TMCO1: variants seen among roughly 807,000 people sequenced by gnomAD.
TMCO1 encodes the protein calcium load-activated calcium channel.
In TMCO1, 29 loss-of-function variants were observed where a neutral mutation model predicts 29.3. That is an observed-to-expected ratio of 0.99 (90% confidence interval 0.74 to 1.35). The LOEUF (loss-of-function observed/expected upper bound fraction) is 1.35, where lower values mean the gene tolerates loss of function less well. Ranked by LOEUF, TMCO1 falls within the 40% of genes most tolerant of loss-of-function variation. The pLI is 0.00. For synonymous variants in TMCO1, 80 were observed against 77.1 expected (o/e 1.04, Z -0.20); for missense variants, 173 against 225.5 (o/e 0.77, Z 1.49).
chr1:165,760,339 G>C (rs1018793121), intron 2 of TMCO1, among the ~76,000 whole-genome samples: 2 of 151,806 alleles, frequency 1.3e-5, no homozygotes, highest in Non-Finnish European at 2.9e-5. Context: ...GCTGAGGCAG[G>C]AGAATCACTT....
At position 165,768,667 on chromosome 1, in the gene TMCO1, A is replaced by T. The variant is rs766443934; in HGVS notation, c.70+15T>A. On this transcript the variant is annotated intron_variant, in intron 1 of 6. Coordinates refer to ENST00000367881, the MANE Select transcript of TMCO1 (RefSeq NM_019026.6). ...CCGGGGACTGATCAAACGTCTGAGA[A>T]ATACCCGCTCTCACCCTCTGCGAGC... 8.7e-6 allele frequency: 14 copies of T among 1,614,092 alleles called. No homozygotes were observed. The highest frequency in any genetic ancestry group is 1.2e-5 in the Non-Finnish European group (14 of 1,179,996).
chr1:165,757,686 C>CG (rs898439206), intron 3 of TMCO1, among the ~76,000 whole-genome samples: 6 of 152,248 alleles, frequency 3.9e-5, no homozygotes, highest in African/African-American at 1.4e-4. Context: ...TTAGTAGAGA[C>CG]GGGGTTTCGC....
At chr1:165,725,636 C>A, downstream of TMCO1, 1 of 454,066 alleles carries the variant, frequency 2.2e-6, no homozygotes, top group Non-Finnish European at 4.4e-6. Context: ...AGAGGCCTGT[C>A]TTGAAATGTC....
intron 6 of TMCO1, among the ~76,000 whole-genome samples, chr1:165,737,406 A>G (rs1651430910): frequency 6.6e-6 from 1 of 152,206 alleles, no homozygotes; most frequent in Admixed American, 6.5e-5. Flanking sequence ...AATGACTAAT[A>G]TATAAGCAAC....
chr1:165,729,283 ATTCAGTTTT>A (rs1242669782), intron 6 of TMCO1, among the ~76,000 whole-genome samples: 3 of 150,000 alleles, frequency 2.0e-5, no homozygotes, highest in South Asian at 4.2e-4. Context: ...TTATACTTTT[ATTCAGTTTT>A]TAAAAACATA....
chr1:165,756,634 C>T (rs779317975), intron 3 of TMCO1, among the ~76,000 whole-genome samples: 34 of 152,010 alleles, frequency 2.2e-4, no homozygotes, highest in Non-Finnish European at 2.9e-4. Flanking sequence ...AAGCAAAGGA[C>T]GCTTCCACTG....
At position 165,727,549 on chromosome 1, in the gene TMCO1, A is replaced by G. The variant is rs868550057; in HGVS notation, c.*474T>C. Reference sequence around the variant, plus strand: ...AAACAGATCTCTCCTTGTACATAAAACAGCTAAAAATTTGGCCTCTTTATT... The same window carrying G: ...AAACAGATCTCTCCTTGTACATAAAGCAGCTAAAAATTTGGCCTCTTTATT... On this transcript the variant is annotated 3_prime_UTR_variant, in exon 7 of 7. Coordinates refer to ENST00000367881, the MANE Select transcript of TMCO1 (RefSeq NM_019026.6). 4.4e-6 allele frequency: 2 copies of G among 453,984 alleles called. No homozygotes were observed. Among genetic ancestry groups the G allele is most frequent in the Middle Eastern group, 6.9e-4 (1 of 1,444 alleles). 28.1% of individuals were successfully genotyped at this position (453,984 alleles called of 1,614,324 possible).
At chr1:165,757,108 A>C (rs1257392248) in intron 3 of TMCO1, among the ~76,000 whole-genome samples, 1 of 152,202 alleles carries the variant, frequency 6.6e-6, no homozygotes, top group African/African-American at 2.4e-5. Flanking sequence ...CGTAAGATAA[A>C]ATAAATCAAT....
intron 5 of TMCO1, among the ~76,000 whole-genome samples, chr1:165,745,801 A>G (rs1205986256): frequency 1.3e-5 from 2 of 152,238 alleles, no homozygotes; most frequent in African/African-American, 4.8e-5. Flanking sequence ...CTGACAATCT[A>G]AGACACAATA....
intron 2 of TMCO1, among the ~76,000 whole-genome samples, chr1:165,761,522 G>A (rs563277693): frequency 8.0e-4 from 122 of 152,002 alleles, no homozygotes; most frequent in Admixed American, 1.1e-3. Context: ...GCGAGAGCGA[G>A]ACCCTGTCGC....
At chr1:165,750,895 C>A (rs1433526721) in intron 5 of TMCO1, among the ~76,000 whole-genome samples, 1 of 151,974 alleles carries the variant, frequency 6.6e-6, no homozygotes, top group Non-Finnish European at 1.5e-5. Flanking sequence ...CATGGTGAAA[C>A]CCCGTCTCTA....
intron 5 of TMCO1, among the ~76,000 whole-genome samples, chr1:165,746,453 T>TCACACACACA (rs59467463): frequency 0.094 from 12,391 of 132,232 alleles, 708 homozygotes; most frequent in Non-Finnish European, 0.098. Context: ...AAGACCTATA[T>TCACACACACA]CACACACACA....
chr1:165,727,441 A>G lies in TMCO1; in HGVS notation c.*582T>C, dbSNP rs1436747592. On this transcript the variant is annotated 3_prime_UTR_variant, in exon 7 of 7. Transcript: ENST00000367881. ...AGTATATGAGTCAAGTATGGCAAAA[A>G]GTACAGTACCTTAAAAACTTTTATT... 1 of 454,084 alleles carries G rather than the reference A, an allele frequency of 2.2e-6. No individual in the cohort carries two copies. The highest frequency in any genetic ancestry group is 1.6e-5 in the South Asian group (1 of 64,472). 28.1% of individuals were successfully genotyped at this position (454,084 alleles called of 1,614,324 possible).
downstream of TMCO1, chr1:165,725,008 CTCTCTCTCTCTCTCTCTATATATA>C (rs1469161294): frequency 1.1e-5 from 3 of 276,170 alleles, 1 homozygote; most frequent in Admixed American, 1.5e-4. Flanking sequence ...CTCTCTCTCT[CTCTCTCTCTCTCTCTCTATATATA>C]TATATATATA....
chr1:165,743,790 T>G, intron 5 of TMCO1, among the ~76,000 whole-genome samples: 1 of 152,096 alleles, frequency 6.6e-6, no homozygotes, highest in East Asian at 1.9e-4. Context: ...ATATATAAGT[T>G]ATTTAATTAT....
At chr1:165,745,187 A>T (rs938713094) in intron 5 of TMCO1, among the ~76,000 whole-genome samples, 1 of 138,732 alleles carries the variant, frequency 7.2e-6, no homozygotes, top group Admixed American at 7.2e-5. Context: ...TGTCTGGCTA[A>T]TTTTTTTTTT....
rs942298684 is a variant in TMCO1 at position 165,763,353 on chromosome 1, T to C, written c.149-3769A>G. On this transcript the variant is annotated intron_variant, in intron 2 of 6. Coordinates refer to ENST00000367881, the MANE Select transcript of TMCO1 (RefSeq NM_019026.6). Reference sequence around the variant, plus strand: ...GATTATACATTCCAGAAGACAGAATTTGTGGCCGCTCATTTCATATTGTAC... The same window carrying C: ...GATTATACATTCCAGAAGACAGAATCTGTGGCCGCTCATTTCATATTGTAC... Among the ~76,000 whole-genome samples the C allele has an allele frequency of 4.6e-5, 7 of 152,314 alleles. No individual in the cohort carries two copies. The East Asian group carries it at 1.3e-3, about 29-fold the overall frequency.
intron 2 of TMCO1, among the ~76,000 whole-genome samples, chr1:165,766,256 G>A (rs1305728053): frequency 6.6e-6 from 1 of 152,184 alleles, no homozygotes; most frequent in East Asian, 1.9e-4. Flanking sequence ...TTCAATTTGG[G>A]ACGTGTTGGG....
At chr1:165,738,268 G>T (rs1054884537) in intron 6 of TMCO1, among the ~76,000 whole-genome samples, 1 of 152,140 alleles carries the variant, frequency 6.6e-6, no homozygotes, top group African/African-American at 2.4e-5. Flanking sequence ...ACTCTAGCCG[G>T]AGCAACAGAA....
Sources: allele counts gnomAD v4.1 joint callset (sites outside exome capture counted in the v4.1 genomes callset), GRCh38; gene constraint gnomAD v4.1.1; transcripts MANE v1.5; gene names NCBI Gene and HGNC (gene_info 2026-07-23, HGNC 2026-07-21).